The following TCIRG1 variants were observed in gnomAD, a reference collection of about 807,000 sequenced individuals.
TCIRG1 encodes V-type proton ATPase 116 kDa subunit a 3.
A neutral mutation model predicts 95.5 loss-of-function variants in TCIRG1; 86 were observed. The ratio of observed to expected loss-of-function variants is 0.90; its 90% CI spans 0.76 to 1.08. The LOEUF is 1.08. TCIRG1 is among the 50% of genes least tolerant of loss of function. TCIRG1 has a pLI of 0.00. For synonymous variants in TCIRG1, 499 were observed against 501.3 expected (o/e 1.00, Z 0.06); for missense variants, 1,069 against 1,140.2 (o/e 0.94, Z 0.90).
Position 68,045,139 on chromosome 11 carries a change from G to T in TCIRG1, c.1165+37G>T. 1.3e-6 allele frequency: 2 copies of T among 1,598,532 alleles called. 1 individual carries two copies. On this transcript the variant is annotated intron_variant, in intron 10 of 19. Coordinates refer to ENST00000265686, the MANE Select transcript of TCIRG1 (RefSeq NM_006019.4). ...GGCATCCTTACCCGTGTCCTGGGAGGCTCAGCTGCCCCACTGGGTGGGTGT... is the reference window on the plus strand; with the variant it reads ...GGCATCCTTACCCGTGTCCTGGGAGTCTCAGCTGCCCCACTGGGTGGGTGT...
chr11:68,047,003 G>GGTC, intron 10 of TCIRG1: 1 of 304,126 alleles, frequency 3.3e-6, no homozygotes, highest in Non-Finnish European at 5.9e-6. Flanking sequence ...TAAGTGGTGG[G>GGTC]TTCTTTTTTT....
intron 13 of TCIRG1, 193 bp from the exon 14 acceptor site, chr11:68,048,686 C>G: frequency 1.5e-6 from 1 of 685,432 alleles, no homozygotes; most frequent in Admixed American, 2.0e-5. Flanking sequence ...AGGTCATGCC[C>G]AAGGTCACCC....
chr11:68,043,246 TGTGGGCAGGGCCA>T (rs755420308), intron 5 of TCIRG1, 112 bp from the exon 6 acceptor site: 78 of 1,479,358 alleles, frequency 5.3e-5, no homozygotes, highest in Admixed American at 2.6e-4. Flanking sequence ...TGCCTTCCCC[TGTGGGCAGGGCCA>T]GTGTGCCCAA....
At chr11:68,040,766 C>A (rs1855121017) in intron 1 of TCIRG1, among the ~76,000 whole-genome samples, 1 of 152,208 alleles carries the variant, frequency 6.6e-6, no homozygotes, top group Admixed American at 6.5e-5. Context: ...GGACAGCCCC[C>A]CCACAGCAGT....
chr11:68,053,689 A>G, downstream of TCIRG1: 1 of 338,706 alleles, frequency 3.0e-6, no homozygotes, highest in South Asian at 4.7e-5. Context: ...ATCTGACTGG[A>G]AACCTTAGCC....
intron 16 of TCIRG1, 27 bp downstream of exon 16, chr11:68,049,815 GGCTGCTTGCGGGGA>G: frequency 6.4e-7 from 1 of 1,560,584 alleles, no homozygotes; most frequent in East Asian, 2.3e-5. Flanking sequence ...AGGTGTGGGG[GGCTGCTTGCGGGGA>G]GAGGCCACTG....
intron 1 of TCIRG1, 71 bp from the exon 2 acceptor site, chr11:68,041,197 G>A: frequency 1.0e-6 from 1 of 996,850 alleles, no homozygotes; most frequent in South Asian, 1.3e-5. Context: ...GAGTGAAGGT[G>A]CACAGGTGCC....
chr11:68,041,343 C>T lies in TCIRG1; in HGVS notation c.72C>T (p.Thr24=). Residue 24 remains threonine, a synonymous_variant, in exon 2 of 20, where the codon ACC becomes ACT. Transcript: ENST00000265686. ...QLFLPTAAAY[T]CVSRLGELGL... is the part of the protein sequence containing the mutation. ...TTCTGCCCACAGCGGCTGCCTACAC[C>T]TGCGTGAGTCGGCTGGGCGAGCTGG... 1.2e-6 allele frequency: 2 copies of T among 1,613,252 alleles called. No individual in the cohort carries two copies. The highest frequency in any genetic ancestry group is 1.7e-6 in the Non-Finnish European group (2 of 1,179,940).
intron 2 of TCIRG1, 67 bp from the exon 3 acceptor site, chr11:68,041,686 G>T: frequency 7.4e-7 from 1 of 1,359,596 alleles, no homozygotes; most frequent in Non-Finnish European, 1.0e-6. Flanking sequence ...GTCAGGCCTG[G>T]GCTCTAGGGT....
chr11:68,041,942 G>A, intron 3 of TCIRG1, 111 bp downstream of exon 3: 2 of 960,664 alleles, frequency 2.1e-6, no homozygotes, highest in South Asian at 1.4e-5. Context: ...AGAGAAGGGA[G>A]GTATATGCAG....
chr11:68,048,049 G>A lies in TCIRG1; in HGVS notation c.1554+77G>A, dbSNP rs527955303. On this transcript the variant is annotated intron_variant, in intron 13 of 19. Transcript: ENST00000265686. ...GGCTGGGGCTCCCCTCGGTTCAGCC[G>A]TCCTGCAGCGCTGTCGCTGAGCACT... 4.5e-4 allele frequency: 588 copies of A among 1,294,446 alleles called. 4 individuals are homozygous for A. The highest frequency in any genetic ancestry group is 1.3e-3 in the Middle Eastern group (7 of 5,452). The allele number at this position is 1,294,446 out of a possible 1,614,324, so 80.2% of individuals were successfully genotyped here. A position where few individuals can be genotyped will look rare whatever the true frequency, so the allele number is the denominator to read the frequency against.
chr11:68,041,308 G>A lies in TCIRG1; in HGVS notation c.37G>A (p.Val13Ile), dbSNP rs1356265373. The change falls in exon 2 of 20, where the codon GTC becomes ATC. Residue 13 changes from valine to isoleucine, a missense_variant. Val to Ile is a conservative substitution (Grantham distance 29, BLOSUM62 3). Transcript: ENST00000265686. ...SMFRSEEVAL[V>I]QLFLPTAAAY... Reference sequence around the variant, plus strand: ...GTTCCGGAGCGAGGAGGTGGCCCTGGTCCAGCTCTTTCTGCCCACAGCGGC... The same window carrying A: ...GTTCCGGAGCGAGGAGGTGGCCCTGATCCAGCTCTTTCTGCCCACAGCGGC... 7 of 1,613,210 alleles carry A rather than the reference G, an allele frequency of 4.3e-6. No individual in the cohort carries two copies. Among genetic ancestry groups the A allele is most frequent in the Non-Finnish European group, 5.1e-6 (6 of 1,179,958 alleles).
chr11:68,042,682 T>TGCCCCC lies in TCIRG1; in HGVS notation c.240_245dup (p.Pro81_Pro82dup). Reference sequence around the variant, plus strand: ...GAGGTGCGGCGGGCTGGGCTGGTCCTGCCCCCGCCAAAGGGGAGGCTGCCG... The same window carrying TGCCCCC: ...GAGGTGCGGCGGGCTGGGCTGGTCCTGCCCCCGCCCCCGCCAAAGGGGAGGCTGCCG... On this transcript the variant is annotated inframe_insertion, in exon 4 of 20. Coordinates refer to ENST00000265686, the MANE Select transcript of TCIRG1 (RefSeq NM_006019.4). 1 of 1,546,406 alleles carries TGCCCCC rather than the reference T, an allele frequency of 6.5e-7. No individual in the cohort carries two copies. The highest frequency in any genetic ancestry group is 8.7e-7 in the Non-Finnish European group (1 of 1,145,930).
intron 1 of TCIRG1, among the ~76,000 whole-genome samples, chr11:68,040,672 C>G (rs79354489): frequency 2.2e-4 from 34 of 152,354 alleles, no homozygotes; most frequent in Non-Finnish European, 2.6e-4. Flanking sequence ...GCCCCGGGCC[C>G]TTCCCCGCCA....
chr11:68,045,064 A>G lies in TCIRG1; in HGVS notation c.1127A>G (p.Asp376Gly). ...RFTASFQGIV[D>G]AYGVGRYQEV... is the part of the protein sequence containing the mutation. The stretch of plus-strand genomic sequence containing the variant: ...ACGGCCAGCTTCCAGGGCATCGTGG[A>G]TGCCTACGGCGTGGGCCGCTACCAG... The change falls in exon 10 of 20, where the codon GAT (aspartate) becomes GGT (glycine). Residue 376 changes from aspartate to glycine, a missense_variant. Coordinates refer to ENST00000265686, the MANE Select transcript of TCIRG1 (RefSeq NM_006019.4). The G allele has an allele frequency of 6.2e-7, 1 of 1,604,618 alleles. No individual in the cohort carries two copies. The highest frequency in any genetic ancestry group is 8.5e-7 in the Non-Finnish European group (1 of 1,179,980).
chr11:68,047,614 A>T (rs780223256), intron 11 of TCIRG1, 33 bp from the exon 12 acceptor site: 16 of 1,612,864 alleles, frequency 9.9e-6, no homozygotes, highest in Non-Finnish European at 1.4e-5. Context: ...TAGCAGGGCC[A>T]GGCAGCCCCT....
intron 3 of TCIRG1, among the ~76,000 whole-genome samples, chr11:68,042,363 C>T (rs1388753025): frequency 6.6e-6 from 1 of 152,214 alleles, no homozygotes; most frequent in South Asian, 2.1e-4. Context: ...GGACTCACGC[C>T]AGCTCCGGTC....
chr11:68,047,359 TCCGTGGCGTCTTGGG>T (rs1008793159), intron 10 of TCIRG1, 59 bp from the exon 11 acceptor site: 474 of 1,459,186 alleles, frequency 3.2e-4, no homozygotes, highest in Non-Finnish European at 4.0e-4. Context: ...CAGCAGGGCC[TCCGTGGCGTCTTGGG>T]CCGGGAGGCA....
intron 10 of TCIRG1, among the ~76,000 whole-genome samples, chr11:68,046,687 TCCCATGAGGACTTGTTCCCATTTTACTG>T (rs1482238719): frequency 2.0e-5 from 3 of 152,156 alleles, no homozygotes; most frequent in Admixed American, 1.3e-4. Context: ...TCCTCCTGCC[TCCCATGAGGACTTGTTCCCATTTTACTG>T]ATGGGAAGTC....
Sources: gnomAD v4.1 joint callset for allele counts (sites outside exome capture counted in the v4.1 genomes callset) on GRCh38, gnomAD v4.1.1 for gene constraint, MANE v1.5 for transcripts, NCBI Gene and HGNC (gene_info 2026-07-23, HGNC 2026-07-21) for gene names.